The following LDLRAD4 variants were observed in gnomAD, a reference collection of about 807,000 sequenced individuals.
The protein encoded by LDLRAD4 is low-density lipoprotein receptor class A domain-containing protein 4.
LDLRAD4 carries 5 observed loss-of-function variants against 17.0 expected under a neutral mutation model. The observed-to-expected ratio is 0.29, with a 90% CI of 0.15 to 0.62. The LOEUF (loss-of-function observed/expected upper bound fraction) is 0.62. Among genes scored for constraint, LDLRAD4 ranks in the 20% least tolerant of loss-of-function variants. The pLI is 0.84. For synonymous variants in LDLRAD4, 168 were observed against 171.8 expected (o/e 0.98, Z 0.17); for missense variants, 340 against 424.7 (o/e 0.80, Z 1.75).
chr18:13,536,017 A>G (rs1465069484), intron 3 of LDLRAD4, among the ~76,000 whole-genome samples: 1 of 152,158 alleles, frequency 6.6e-6, no homozygotes, highest in Non-Finnish European at 1.5e-5. Flanking sequence ...CTGTAGGTCT[A>G]TCTGTATACC....
chr18:13,456,484 A>G (rs560104483), intron 3 of LDLRAD4, among the ~76,000 whole-genome samples: 75 of 152,040 alleles, frequency 4.9e-4, no homozygotes, highest in Non-Finnish European at 9.3e-4. Context: ...TTCTCTTTCT[A>G]TGATGCTCCT....
exon 6 of LDLRAD4, chr18:13,649,882 A>G (rs2043173112): frequency 1.3e-5 from 5 of 396,382 alleles, no homozygotes; most frequent in Non-Finnish European, 2.2e-5. Context: ...TCCTGCTCAC[A>G]CTGACCAAGA....
intron 3 of LDLRAD4, among the ~76,000 whole-genome samples, chr18:13,609,738 C>T (rs763934723): frequency 2.0e-5 from 3 of 152,258 alleles, no homozygotes; most frequent in Non-Finnish European, 2.9e-5. Flanking sequence ...TCTGAGAAGC[C>T]GAAGCTGGTG....
chr18:13,338,868 T>G (rs1443007647), intron 1 of LDLRAD4, among the ~76,000 whole-genome samples: 1 of 152,232 alleles, frequency 6.6e-6, no homozygotes, highest in Non-Finnish European at 1.5e-5. Context: ...TTTCCACTGG[T>G]TGTTTCCTCT....
At chr18:13,341,299 G>A (rs573600519) in intron 1 of LDLRAD4, among the ~76,000 whole-genome samples, 5 of 151,940 alleles carry the variant, frequency 3.3e-5, no homozygotes, top group African/African-American at 1.2e-4. Context: ...GAATTACATT[G>A]AATCTGTAGA....
intron 3 of LDLRAD4, among the ~76,000 whole-genome samples, chr18:13,565,571 G>A (rs1013309811): frequency 6.6e-6 from 1 of 152,252 alleles, no homozygotes; most frequent in African/African-American, 2.4e-5. Flanking sequence ...CTTGTCTTGG[G>A]CTGTGGAACG....
At chr18:13,271,893 CTTTTTTTTTTTT>C (rs753254188) in intron 1 of LDLRAD4, among the ~76,000 whole-genome samples, 4 of 79,020 alleles carry the variant, frequency 5.1e-5, no homozygotes, top group African/African-American at 1.6e-4. Context: ...CTGTTCAGTG[CTTTTTTTTTTTT>C]TTTTTTTTTT....
At chr18:13,474,736 C>G (rs2092894130) in intron 3 of LDLRAD4, among the ~76,000 whole-genome samples, 1 of 152,218 alleles carries the variant, frequency 6.6e-6, no homozygotes, top group Admixed American at 6.5e-5. Flanking sequence ...TACCTGGCAC[C>G]TTGTCTCAAA....
chr18:13,230,086 C>T lies in LDLRAD4; in HGVS notation c.-467+11098C>T, dbSNP rs866633312. ...GAGGGGATTAGGTCACGAGGCTTCT[C>T]CCTCATGTGTGGGATTAGTGCCTTT... On this transcript the variant is annotated intron_variant, in intron 1 of 5. Coordinates refer to the LDLRAD4 transcript ENST00000399848. Among the ~76,000 whole-genome samples, 4 of 152,296 alleles carry T rather than the reference C, an allele frequency of 2.6e-5. No individual in the cohort carries two copies. The Middle Eastern group carries it at 0.01, about 389-fold the overall frequency.
intron 3 of LDLRAD4, chr18:13,471,968 C>G (rs2092787544): frequency 6.6e-6 from 1 of 152,236 alleles, no homozygotes; most frequent in Admixed American, 6.5e-5. Flanking sequence ...AAGAAGGAAG[C>G]TCTGGTCATA....
chr18:13,325,606 T>C (rs1415909806), intron 1 of LDLRAD4, among the ~76,000 whole-genome samples: 3 of 152,116 alleles, frequency 2.0e-5, no homozygotes, highest in South Asian at 2.1e-4. Flanking sequence ...CTACTCTCCC[T>C]CTCCGCGTGG....
At chr18:13,316,869 C>T in intron 1 of LDLRAD4, among the ~76,000 whole-genome samples, 1 of 152,142 alleles carries the variant, frequency 6.6e-6, no homozygotes, top group East Asian at 1.9e-4. Flanking sequence ...GAGAGATGTA[C>T]AAACCAAACA....
At chr18:13,506,918 G>A (rs770510548) in intron 3 of LDLRAD4, among the ~76,000 whole-genome samples, 8 of 152,326 alleles carry the variant, frequency 5.3e-5, no homozygotes, top group Non-Finnish European at 1.0e-4. Flanking sequence ...CAGTTTCGGC[G>A]CTGACAGTGA....
rs1441580034 is a variant in LDLRAD4 at position 13,622,375 on chromosome 18, A to G, written c.336+1104A>G. ...GAAGGGGTGGGTGCTACCGAGTGCT[A>G]TCTTCAGACCATGGTGAGGGCTAGA... On this transcript the variant is annotated intron_variant, in intron 4 of 5. Coordinates refer to ENST00000359446, the Ensembl canonical transcript of LDLRAD4. This position sits in a 1 kb window ranked among gnomAD's most constrained non-coding sequence, Gnocchi z 5.3. Among the ~76,000 whole-genome samples, 1 of 152,166 alleles carries G rather than the reference A, an allele frequency of 6.6e-6. No homozygotes were observed. The highest frequency in any genetic ancestry group is 2.4e-5 in the African/African-American group (1 of 41,452).
At chr18:13,439,837 G>C (rs989492944) in intron 3 of LDLRAD4, among the ~76,000 whole-genome samples, 1 of 152,200 alleles carries the variant, frequency 6.6e-6, no homozygotes, top group Non-Finnish European at 1.5e-5. Flanking sequence ...AACCCTGCTT[G>C]TTGGCCTTTC....
At chr18:13,224,897 A>ATCTCAGC (rs1433703499) in intron 1 of LDLRAD4, among the ~76,000 whole-genome samples, 1 of 149,448 alleles carries the variant, frequency 6.7e-6, no homozygotes, top group Non-Finnish European at 1.5e-5. Context: ...GGCGTGATCC[A>ATCTCAGC]TCTCAGCTCA....
At chr18:13,406,434 C>T (rs1039558841) in intron 2 of LDLRAD4, among the ~76,000 whole-genome samples, 3 of 152,152 alleles carry the variant, frequency 2.0e-5, no homozygotes, top group African/African-American at 7.2e-5. Context: ...TTTCTTTGTT[C>T]CAGAGAAGCT....
intron 3 of LDLRAD4, among the ~76,000 whole-genome samples, chr18:13,556,717 A>G (rs1273821413): frequency 2.0e-5 from 3 of 152,156 alleles, no homozygotes; most frequent in Non-Finnish European, 2.9e-5. Flanking sequence ...TATGTTTGGA[A>G]AAGGCCATGA....
rs556359001 is a variant in LDLRAD4 at position 13,219,884 on chromosome 18, A to G, written c.-467+896A>G. Among the ~76,000 whole-genome samples the G allele has an allele frequency of 6.4e-4, 97 of 152,288 alleles. 1 individual carries two copies. The highest frequency in any genetic ancestry group is 3.5e-3 in the South Asian group (17 of 4,824). Reference sequence around the variant, plus strand: ...ATCAAGTCATGTCTGCATTCTGTATATGGTATTGTCTTTTCTAGTCTTTAA... The same window carrying G: ...ATCAAGTCATGTCTGCATTCTGTATGTGGTATTGTCTTTTCTAGTCTTTAA... On this transcript the variant is annotated intron_variant, in intron 1 of 5. Coordinates refer to the LDLRAD4 transcript ENST00000399848.
Sources: allele counts gnomAD v4.1 joint callset (sites outside exome capture counted in the v4.1 genomes callset), GRCh38; gene constraint gnomAD v4.1.1; non-coding constraint Gnocchi (gnomAD v3.1); transcripts MANE v1.5; gene names NCBI Gene and HGNC (gene_info 2026-07-23, HGNC 2026-07-21).